Variants in CPPED1 observed in about 807,000 individuals in gnomAD.
CPPED1 encodes serine/threonine-protein phosphatase CPPED1.
In CPPED1, 28 loss-of-function variants were observed where a neutral mutation model predicts 28.0. The observed-to-expected ratio is 1.00, with a 90% CI of 0.74 to 1.37. The LOEUF (loss-of-function observed/expected upper bound fraction) is 1.37. Ranked by LOEUF, CPPED1 falls within the 40% of genes most tolerant of loss-of-function variation. The pLI, the probability that CPPED1 is intolerant of heterozygous loss-of-function variation, is 0.00. For missense variants in CPPED1, 504 were observed against 416.5 expected (o/e 1.21, Z -1.83); for synonymous variants, 198 against 180.2 (o/e 1.10, Z -0.79).
intron 2 of CPPED1, among the ~76,000 whole-genome samples, chr16:12,737,175 G>C (rs186384410): frequency 6.6e-6 from 1 of 152,194 alleles, no homozygotes; most frequent in African/African-American, 2.4e-5. Context: ...GGGCGAGAGA[G>C]TGAGACCATG....
chr16:12,665,809 C>G (rs2141163525), intron 3 of CPPED1, among the ~76,000 whole-genome samples: 2 of 152,308 alleles, frequency 1.3e-5, no homozygotes, highest in African/African-American at 4.8e-5. Context: ...CCTGCAGTCC[C>G]AGCTACCTGG....
At chr16:12,680,987 T>G (rs1439330875) in intron 3 of CPPED1, among the ~76,000 whole-genome samples, 1 of 152,152 alleles carries the variant, frequency 6.6e-6, no homozygotes, top group Non-Finnish European at 1.5e-5. Flanking sequence ...TGAGATTCTC[T>G]TCCTCTTTCT....
At chr16:12,779,023 T>C (rs1039838562) in intron 2 of CPPED1, among the ~76,000 whole-genome samples, 7 of 152,244 alleles carry the variant, frequency 4.6e-5, no homozygotes, top group African/African-American at 1.7e-4. Flanking sequence ...GTGTATCTTA[T>C]TTAAAAAGCA....
intron 2 of CPPED1, among the ~76,000 whole-genome samples, chr16:12,734,580 C>T (rs374553316): frequency 2.0e-5 from 3 of 152,110 alleles, no homozygotes; most frequent in East Asian, 1.9e-4. Context: ...GGGGTTTCAC[C>T]GTGTTAGCCA....
At chr16:12,725,398 T>A (rs1000476642) in intron 2 of CPPED1, among the ~76,000 whole-genome samples, 3 of 152,132 alleles carry the variant, frequency 2.0e-5, no homozygotes, top group African/African-American at 4.8e-5. Flanking sequence ...CCAGCCAACA[T>A]GATTCTTGAC....
intron 2 of CPPED1, chr16:12,760,478 G>C (rs1320508671): frequency 6.6e-6 from 1 of 152,400 alleles, no homozygotes; most frequent in Non-Finnish European, 1.5e-5. Flanking sequence ...GGGGACTGCT[G>C]TACTACGGTC....
intron 2 of CPPED1, among the ~76,000 whole-genome samples, chr16:12,728,140 G>A (rs141583894): frequency 2.6e-5 from 4 of 151,982 alleles, no homozygotes; most frequent in African/African-American, 4.8e-5. Context: ...GTCTTTTTCC[G>A]CTTTTCAAAA....
intron 3 of CPPED1, among the ~76,000 whole-genome samples, chr16:12,680,855 T>G (rs886216817): frequency 6.6e-6 from 1 of 152,168 alleles, no homozygotes. Context: ...GGTTCAAGCC[T>G]CATCTCCTCT....
chr16:12,759,205 G>C, intron 2 of CPPED1: 1 of 145,534 alleles, frequency 6.9e-6, no homozygotes, highest in Non-Finnish European at 1.5e-5. Context: ...AAAAGTGCTA[G>C]AGAACCAGAT....
intron 2 of CPPED1, among the ~76,000 whole-genome samples, chr16:12,741,875 G>A (rs985084285): frequency 1.3e-5 from 2 of 152,032 alleles, no homozygotes; most frequent in South Asian, 2.1e-4. Context: ...AACCAGCATC[G>A]CCAACATGGT....
chr16:12,714,055 C>A (rs2080093857), intron 2 of CPPED1, among the ~76,000 whole-genome samples: 1 of 152,160 alleles, frequency 6.6e-6, no homozygotes, highest in African/African-American at 2.4e-5. Flanking sequence ...TGTTACTGAT[C>A]TTTCACTTTG....
intron 3 of CPPED1, among the ~76,000 whole-genome samples, chr16:12,691,559 A>G (rs1286217226): frequency 6.6e-6 from 1 of 152,204 alleles, no homozygotes; most frequent in Non-Finnish European, 1.5e-5. Context: ...ACTTGGAACC[A>G]ACCCAAATGT....
chr16:12,747,273 A>G (rs2080295666), intron 2 of CPPED1, among the ~76,000 whole-genome samples: 1 of 151,814 alleles, frequency 6.6e-6, no homozygotes, highest in South Asian at 2.1e-4. Context: ...CTCTATAAAA[A>G]GTACACAAAT....
rs754404711 is a variant in CPPED1, at chr16:12,781,414, G to C, written c.71-11C>G. On this transcript the variant is annotated splice_polypyrimidine_tract_variant and intron_variant, in intron 1 of 3. Transcript: ENST00000381774. Reference sequence around the variant, plus strand: ...ATTCGCTTTCCTTTTCTTAAAAAAAGAGAGAGGGAGAAAGAAGGAGAAATC... The same window carrying C: ...ATTCGCTTTCCTTTTCTTAAAAAAACAGAGAGGGAGAAAGAAGGAGAAATC... 1 of 1,557,994 alleles carries C rather than the reference G, an allele frequency of 6.4e-7. No homozygotes were observed. The highest frequency in any genetic ancestry group is 2.2e-5 in the East Asian group (1 of 44,812).
intron 2 of CPPED1, among the ~76,000 whole-genome samples, chr16:12,711,036 A>G (rs1225441804): frequency 6.6e-6 from 1 of 152,252 alleles, no homozygotes; most frequent in Non-Finnish European, 1.5e-5. Flanking sequence ...TTGTACACCT[A>G]TGCTCACAGT....
intron 2 of CPPED1, 69 bp downstream of exon 2, chr16:12,781,116 T>C (rs1269571915): frequency 7.0e-7 from 1 of 1,435,524 alleles, no homozygotes; most frequent in East Asian, 2.5e-5. Flanking sequence ...AAATCTTTTT[T>C]TCTCCTGCCC....
At chr16:12,734,569 C>T (rs1274729236) in intron 2 of CPPED1, among the ~76,000 whole-genome samples, 2 of 152,088 alleles carry the variant, frequency 1.3e-5, no homozygotes, top group African/African-American at 4.8e-5. Context: ...TTAGTAGAGA[C>T]GGGGTTTCAC....
chr16:12,798,869 T>G (rs1037093284), intron 1 of CPPED1, among the ~76,000 whole-genome samples: 4 of 152,244 alleles, frequency 2.6e-5, no homozygotes, highest in Non-Finnish European at 5.9e-5. Context: ...AATGAATATC[T>G]GAACATGCCT....
chr16:12,713,104 TAAAAA>T, intron 2 of CPPED1, among the ~76,000 whole-genome samples: 1 of 150,370 alleles, frequency 6.7e-6, no homozygotes, highest in African/African-American at 2.4e-5. Flanking sequence ...AATAAGTTCT[TAAAAA>T]AAAAAATCGC....
Sources: allele counts gnomAD v4.1 joint callset (sites outside exome capture counted in the v4.1 genomes callset), GRCh38; gene constraint gnomAD v4.1.1; transcripts MANE v1.5; gene names NCBI Gene and HGNC (gene_info 2026-07-23, HGNC 2026-07-21).